ITGA8: variants seen among roughly 807,000 people sequenced by gnomAD.
The protein encoded by ITGA8 is integrin alpha-8.
ITGA8 carries 91 observed loss-of-function variants against 142.3 expected under a neutral mutation model. That is an observed-to-expected ratio of 0.64 (90% CI 0.54 to 0.76). The LOEUF is 0.76. Ranked by LOEUF, ITGA8 falls within the 30% of genes least tolerant of loss-of-function variation. The pLI, the probability that ITGA8 is intolerant of heterozygous loss-of-function variation, is 0.00. For missense variants in ITGA8, 1,406 were observed against 1,327.7 expected (o/e 1.06, Z -0.92); for synonymous variants, 505 against 485.2 (o/e 1.04, Z -0.54).
intron 8 of ITGA8, among the ~76,000 whole-genome samples, chr10:15,662,609 G>A (rs1159726419): frequency 3.3e-5 from 5 of 152,084 alleles, no homozygotes; most frequent in African/African-American, 1.2e-4. Context: ...AGAGTGCTGG[G>A]ATTACAGGCC....
At chr10:15,715,325 C>T (rs1375930396) in intron 2 of ITGA8, among the ~76,000 whole-genome samples, 1 of 152,006 alleles carries the variant, frequency 6.6e-6, no homozygotes, top group Non-Finnish European at 1.5e-5. Context: ...ATTGTAAAGC[C>T]ACTGCTGGAG....
In ITGA8 at chr10:15,613,627, C is replaced by T. The variant is rs1450301229; in HGVS notation, c.1553+33G>A. On this transcript the variant is annotated intron_variant, in intron 15 of 29. Transcript: ENST00000378076. ...AAGATACCCAGGTGATGTGAATTCACATTGGAGTTTGAGAAGCACCGGACT... is the reference window on the plus strand; with the variant it reads ...AAGATACCCAGGTGATGTGAATTCATATTGGAGTTTGAGAAGCACCGGACT... 6 of 1,370,192 alleles carry T rather than the reference C, an allele frequency of 4.4e-6. No individual in the cohort carries two copies. The Admixed American group carries it at 8.4e-5, about 19-fold the overall frequency. The allele number at this position is 1,370,192 out of a possible 1,614,324, so 84.9% of individuals were successfully genotyped here. A position where few individuals can be genotyped will look rare whatever the true frequency, so the allele number is the denominator to read the frequency against.
intron 13 of ITGA8, among the ~76,000 whole-genome samples, chr10:15,620,109 T>C (rs1443993201): frequency 2.9e-4 from 44 of 152,244 alleles, no homozygotes; most frequent in Non-Finnish European, 8.8e-5. Context: ...AAATAACCTT[T>C]GCATGCATGT....
At chr10:15,555,827 C>A (rs1332647691) in intron 26 of ITGA8, among the ~76,000 whole-genome samples, 1 of 151,660 alleles carries the variant, frequency 6.6e-6, no homozygotes, top group Non-Finnish European at 1.5e-5. Flanking sequence ...TCCCGAGGAG[C>A]TGGGACTACA....
Position 15,516,728 on chromosome 10 carries a change from T to C in ITGA8, c.*430A>G, listed in dbSNP as rs1298544944. 6.4e-6 allele frequency: 1 copy of C among 155,166 alleles called. No homozygotes were observed. The highest frequency in any genetic ancestry group is 6.5e-5 in the Admixed American group (1 of 15,484). 9.6% of individuals were successfully genotyped at this position (155,166 alleles called of 1,614,324 possible). On this transcript the variant is annotated 3_prime_UTR_variant, in exon 30 of 30. Transcript: ENST00000378076. ...AATGTTCCATTGGATACAGTAGTGT[T>C]GGATGGTGTGGTCTTAGTTCTAAGT...
intron 15 of ITGA8, 126 bp downstream of exon 15, chr10:15,613,534 C>T: frequency 1.4e-6 from 1 of 727,796 alleles, no homozygotes; most frequent in East Asian, 2.5e-5. Flanking sequence ...TCTCTTGAAG[C>T]TTTTTTCGAG....
chr10:15,719,521 GC>G (rs1835518439), intron 1 of ITGA8, 41 bp downstream of exon 1: 1 of 1,487,106 alleles, frequency 6.7e-7, no homozygotes, highest in African/African-American at 1.5e-5. Flanking sequence ...ACCCGGGAGC[GC>G]CTTCGTCCCC....
chr10:15,572,753 G>C (rs1034986028), intron 24 of ITGA8, among the ~76,000 whole-genome samples: 4 of 152,092 alleles, frequency 2.6e-5, no homozygotes, highest in African/African-American at 9.7e-5. Flanking sequence ...ATCTGCCTCC[G>C]CTTTCTTGAC....
intron 29 of ITGA8, among the ~76,000 whole-genome samples, chr10:15,517,472 C>T (rs1418149388): frequency 1.3e-5 from 2 of 152,074 alleles, no homozygotes; most frequent in African/African-American, 4.8e-5. Context: ...TACAGGCCTG[C>T]ACCACCACAC....
chr10:15,647,872 T>C (rs1389095149), intron 11 of ITGA8, among the ~76,000 whole-genome samples: 1 of 152,220 alleles, frequency 6.6e-6, no homozygotes, highest in Non-Finnish European at 1.5e-5. Context: ...TCAAGCTGGC[T>C]AGAAAGGTAG....
At chr10:15,618,755 C>T (rs1588678871) in intron 13 of ITGA8, among the ~76,000 whole-genome samples, 1 of 152,200 alleles carries the variant, frequency 6.6e-6, no homozygotes, top group East Asian at 1.9e-4. Flanking sequence ...ACATCAGACT[C>T]CAAGTTCTTC....
chr10:15,667,097 C>T (rs1399257980), intron 8 of ITGA8, among the ~76,000 whole-genome samples: 2 of 152,158 alleles, frequency 1.3e-5, no homozygotes, highest in African/African-American at 4.8e-5. Flanking sequence ...GGAATGGTAC[C>T]AGCTCCTCTT....
intron 13 of ITGA8, among the ~76,000 whole-genome samples, chr10:15,640,745 C>A (rs1035147074): frequency 2.6e-5 from 4 of 152,150 alleles, no homozygotes; most frequent in East Asian, 1.9e-4. Flanking sequence ...GAATACCCAG[C>A]CTGTGCGTGT....
intron 2 of ITGA8, among the ~76,000 whole-genome samples, chr10:15,689,408 C>G (rs1021860075): frequency 6.6e-6 from 1 of 152,238 alleles, no homozygotes; most frequent in Middle Eastern, 3.4e-3. Flanking sequence ...CCTCTCGCCT[C>G]CACCATTTCA....
chr10:15,611,692 C>CTGTTAACCAGG (rs1554777623), intron 15 of ITGA8, among the ~76,000 whole-genome samples: 2,852 of 151,610 alleles, frequency 0.019, 92 homozygotes, highest in African/African-American at 0.065. Flanking sequence ...AGGGTTTCAC[C>CTGTTAACCAGG]ATGGTCTCGA....
At chr10:15,600,362 CCTCAATTTTTATTAAGT>C (rs1430885855) in intron 20 of ITGA8, among the ~76,000 whole-genome samples, 5 of 152,126 alleles carry the variant, frequency 3.3e-5, no homozygotes, top group Non-Finnish European at 5.9e-5. Context: ...TATTATTAAG[CCTCAATTTTTATTAAGT>C]CTCAATTATT....
intron 10 of ITGA8, among the ~76,000 whole-genome samples, chr10:15,657,072 G>A (rs1163276451): frequency 6.6e-6 from 1 of 152,176 alleles, no homozygotes; most frequent in Non-Finnish European, 1.5e-5. Flanking sequence ...TTCTCTTGAT[G>A]TGGTGGTGTG....
chr10:15,639,158 C>T (rs1043384042), intron 13 of ITGA8, among the ~76,000 whole-genome samples: 4 of 151,930 alleles, frequency 2.6e-5, no homozygotes, highest in Admixed American at 2.6e-4. Context: ...TGCCCCTGCC[C>T]CTTCCTGAGT....
At chr10:15,673,335 G>T (rs754088781) in intron 6 of ITGA8, among the ~76,000 whole-genome samples, 2 of 151,952 alleles carry the variant, frequency 1.3e-5, no homozygotes, top group African/African-American at 4.8e-5. Flanking sequence ...TGCTTGCCTC[G>T]GCCTCCCAAA....
Sources: gnomAD v4.1 joint callset for allele counts (sites outside exome capture counted in the v4.1 genomes callset) on GRCh38, gnomAD v4.1.1 for gene constraint, MANE v1.5 for transcripts, NCBI Gene and HGNC (gene_info 2026-07-23, HGNC 2026-07-21) for gene names.